TBC1D4: variants seen among roughly 807,000 people sequenced by gnomAD.
TBC1D4 encodes the protein TBC1 domain family member 4, also known as TBC (Tre-2, BUB2, CDC16) domain-containing protein.
In TBC1D4, 121 loss-of-function variants were observed where a neutral mutation model predicts 142.5. The ratio of observed to expected loss-of-function variants is 0.85; its 90% confidence interval spans 0.73 to 0.99. TBC1D4 has a LOEUF of 0.99. Among genes scored for constraint, TBC1D4 ranks in the 50% least tolerant of loss-of-function variants. The pLI, the probability that TBC1D4 is intolerant of heterozygous loss-of-function variation, is 0.00. For missense variants in TBC1D4, 1,475 were observed against 1,606.6 expected, an observed-to-expected ratio of 0.92 and a Z score of 1.40; for synonymous variants, 630 against 628.2, an observed-to-expected ratio of 1.00 and a Z score of -0.04.
intron 1 of TBC1D4, among the ~76,000 whole-genome samples, chr13:75,392,623 C>T (rs75664478): frequency 0.071 from 10,565 of 149,772 alleles, 1,131 homozygotes; most frequent in African/African-American, 0.23. Context: ...TCCTCCTCCT[C>T]GTCCTACTTC....
intron 7 of TBC1D4, among the ~76,000 whole-genome samples, chr13:75,340,331 G>A (rs957228311): frequency 6.6e-6 from 1 of 152,136 alleles, no homozygotes; most frequent in Non-Finnish European, 1.5e-5. Context: ...GTTACGGCTG[G>A]TGGTCCTGCT....
intron 1 of TBC1D4, among the ~76,000 whole-genome samples, chr13:75,479,966 A>G (rs955367867): frequency 2.7e-5 from 4 of 150,596 alleles, no homozygotes; most frequent in Non-Finnish European, 5.9e-5. Flanking sequence ...CGGAAGGTGG[A>G]GGTTGCAGTG....
intron 1 of TBC1D4, among the ~76,000 whole-genome samples, chr13:75,371,610 T>C (rs1203645203): frequency 1.3e-5 from 2 of 152,230 alleles, no homozygotes; most frequent in African/African-American, 4.8e-5. Context: ...GTTTGTGGGC[T>C]AAGTTGTGAG....
intron 11 of TBC1D4, among the ~76,000 whole-genome samples, chr13:75,321,677 C>T (rs1006115959): frequency 1.3e-5 from 2 of 152,100 alleles, no homozygotes; most frequent in Non-Finnish European, 2.9e-5. Context: ...TTTTGTCCAA[C>T]AATTTTACTA....
intron 11 of TBC1D4, among the ~76,000 whole-genome samples, chr13:75,322,102 G>A (rs1409500016): frequency 6.6e-6 from 1 of 152,168 alleles, no homozygotes; most frequent in Non-Finnish European, 1.5e-5. Flanking sequence ...AAATAGTGGT[G>A]TTCACTCTGT....
At chr13:75,381,808 A>G (rs1239172631) in intron 1 of TBC1D4, among the ~76,000 whole-genome samples, 1 of 152,310 alleles carries the variant, frequency 6.6e-6, no homozygotes, top group Middle Eastern at 3.4e-3. Context: ...GATGGCTCAG[A>G]CTCTAAAATG....
intron 1 of TBC1D4, among the ~76,000 whole-genome samples, chr13:75,460,120 G>A (rs1017820336): frequency 1.3e-5 from 2 of 152,088 alleles, no homozygotes; most frequent in African/African-American, 4.8e-5. Context: ...TGCAGCCTGG[G>A]CGACAGAGCG....
At chr13:75,320,161 C>G in intron 11 of TBC1D4, 124 bp from the exon 12 acceptor site, 1 of 990,440 alleles carries the variant, frequency 1.0e-6, no homozygotes, top group Non-Finnish European at 1.5e-6. Context: ...CAATAATGAA[C>G]CACAATGAAT....
At chr13:75,414,687 A>G (rs1257988515) in intron 1 of TBC1D4, among the ~76,000 whole-genome samples, 1 of 152,112 alleles carries the variant, frequency 6.6e-6, no homozygotes, top group African/African-American at 2.4e-5. Context: ...AGAGCAGGGT[A>G]GAACCAGTCA....
intron 8 of TBC1D4, among the ~76,000 whole-genome samples, chr13:75,333,628 T>G (rs1879950232): frequency 6.6e-6 from 1 of 152,170 alleles, no homozygotes; most frequent in South Asian, 2.1e-4. Flanking sequence ...AAAAGGACAT[T>G]CTCCAATATA....
chr13:75,372,167 T>A (rs908928158), intron 1 of TBC1D4, among the ~76,000 whole-genome samples: 3 of 152,118 alleles, frequency 2.0e-5, no homozygotes, highest in Non-Finnish European at 4.4e-5. Context: ...ATACAGCACA[T>A]CCCTCTACCC....
intron 5 of TBC1D4, among the ~76,000 whole-genome samples, chr13:75,346,761 T>C (rs1881183949): frequency 6.9e-6 from 1 of 144,420 alleles, no homozygotes; most frequent in South Asian, 2.2e-4. Context: ...GATCAAAGTT[T>C]TTGAAAAAAA....
chr13:75,467,252 A>G (rs561922768), intron 1 of TBC1D4, among the ~76,000 whole-genome samples: 49 of 152,324 alleles, frequency 3.2e-4, no homozygotes, highest in African/African-American at 1.2e-3. Flanking sequence ...ATGTTGTGAA[A>G]CTGTCTATTT....
chr13:75,441,067 C>A (rs1339496251), intron 1 of TBC1D4, among the ~76,000 whole-genome samples: 1 of 151,920 alleles, frequency 6.6e-6, no homozygotes, highest in Non-Finnish European at 1.5e-5. Flanking sequence ...CCAGCCTGGC[C>A]AACATAGTGA....
chr13:75,415,320 G>A (rs1885871427), intron 1 of TBC1D4, among the ~76,000 whole-genome samples: 1 of 152,164 alleles, frequency 6.6e-6, no homozygotes. Context: ...AAGCTATAAA[G>A]TCCCAGTGAT....
intron 1 of TBC1D4, among the ~76,000 whole-genome samples, chr13:75,442,245 T>C (rs2138202652): frequency 6.6e-6 from 1 of 152,358 alleles, no homozygotes; most frequent in East Asian, 1.9e-4. Context: ...TTTCTTCATC[T>C]GTGAAATTAG....
chr13:75,373,760 C>T (rs1883346653), intron 1 of TBC1D4, among the ~76,000 whole-genome samples: 1 of 152,174 alleles, frequency 6.6e-6, no homozygotes, highest in African/African-American at 2.4e-5. Flanking sequence ...TAGTGAACAT[C>T]ATCTACGAAA....
rs144342356 is a variant in TBC1D4, at chr13:75,444,726, T to G, written c.498+36544A>C. Among the ~76,000 whole-genome samples the G allele has an allele frequency of 1.5e-4, 23 of 152,300 alleles. No homozygotes were observed. In the East Asian group the frequency reaches 3.9e-3, roughly 26 times the overall value. On this transcript the variant is annotated intron_variant, in intron 1 of 20. Transcript: ENST00000377636. Reference sequence around the variant, plus strand: ...AAGACAATACCCCTGGCTCTGGGGTTGATCATTTATCACTGCAGTCTGGAT... The same window carrying G: ...AAGACAATACCCCTGGCTCTGGGGTGGATCATTTATCACTGCAGTCTGGAT...
Position 75,481,829 on chromosome 13 carries a change from C to A in TBC1D4, c.-62G>T, listed in dbSNP as rs1008667018. 2 of 1,419,314 alleles carry A rather than the reference C, an allele frequency of 1.4e-6. No homozygotes were observed. Among genetic ancestry groups the A allele is most frequent in the South Asian group, 3.1e-5 (2 of 63,712 alleles). The allele number at this position is 1,419,314 out of a possible 1,614,324, so 87.9% of individuals were successfully genotyped here. A position where few individuals can be genotyped will look rare whatever the true frequency, so the allele number is the denominator to read the frequency against. ...GGGCGCACCGCGCCCCCCACTCCCG[C>A]GCAGAAGGCGCCGCCGAAACTGTGC... On this transcript the variant is annotated 5_prime_UTR_variant, in exon 1 of 21. Coordinates refer to ENST00000377636, the MANE Select transcript of TBC1D4 (RefSeq NM_014832.5).
Sources: allele counts gnomAD v4.1 joint callset (sites outside exome capture counted in the v4.1 genomes callset), GRCh38; gene constraint gnomAD v4.1.1; transcripts MANE v1.5; gene names NCBI Gene and HGNC (gene_info 2026-07-23, HGNC 2026-07-21).